Variants in HDGFL3 observed in about 807,000 individuals in gnomAD.
The protein encoded by HDGFL3 is HDGF like 3, also known as hepatoma-derived growth factor-related protein 3.
In HDGFL3, 6 loss-of-function variants were observed where a neutral mutation model predicts 27.6. The observed-to-expected ratio is 0.22, with a 90% CI of 0.12 to 0.43. The LOEUF (loss-of-function observed/expected upper bound fraction) is 0.43. Among genes scored for constraint, HDGFL3 ranks in the 20% least tolerant of loss-of-function variants. HDGFL3 has a pLI of 1.00. For missense variants in HDGFL3, 207 were observed against 250.1 expected, an observed-to-expected ratio of 0.83 and a Z score of 1.16; for synonymous variants, 88 against 88.9, an observed-to-expected ratio of 0.99 and a Z score of 0.05.
intron 1 of HDGFL3, among the ~76,000 whole-genome samples, chr15:83,196,925 T>A (rs1167652349): frequency 6.6e-6 from 1 of 152,228 alleles, no homozygotes; most frequent in East Asian, 1.9e-4. Context: ...GAATAGTAAA[T>A]GTATCTACTA....
chr15:83,154,847 T>C (rs1465214783), intron 4 of HDGFL3, among the ~76,000 whole-genome samples: 1 of 152,210 alleles, frequency 6.6e-6, no homozygotes, highest in East Asian at 1.9e-4. Context: ...ATTTCATTGA[T>C]ATTAAAAATA....
At chr15:83,113,723 G>A (rs2034400894) in exon 4 of HDGFL3, 1 of 152,694 alleles carries the variant, frequency 6.5e-6, no homozygotes, top group South Asian at 2.1e-4. Flanking sequence ...CCTTGTTCTT[G>A]GACCAGCAGC....
chr15:83,124,200 C>G (rs1471661415), downstream of HDGFL3, among the ~76,000 whole-genome samples: 1 of 151,990 alleles, frequency 6.6e-6, no homozygotes, highest in Non-Finnish European at 1.5e-5. Context: ...GCAAAAAGAA[C>G]AAATACAGAA....
intron 1 of HDGFL3, among the ~76,000 whole-genome samples, chr15:83,175,367 A>T (rs1341098607): frequency 1.3e-5 from 2 of 152,150 alleles, no homozygotes. Context: ...ATACTTTGAC[A>T]ACTTTGGAAA....
chr15:83,180,906 G>A (rs1330398257), intron 1 of HDGFL3: 1 of 151,884 alleles, frequency 6.6e-6, no homozygotes, highest in Non-Finnish European at 1.5e-5. Context: ...GAGAGTGCTG[G>A]GATTACAGGC....
intron 2 of HDGFL3, among the ~76,000 whole-genome samples, chr15:83,162,674 C>T (rs62010215): frequency 0.27 from 41,211 of 151,886 alleles, 6,276 homozygotes; most frequent in African/African-American, 0.42. Context: ...ATTTCTCTCA[C>T]GAAAAAAAGT....
rs543134671 is a variant in HDGFL3 at position 83,169,977 on chromosome 15, G to A, written c.85-5902C>T. The stretch of plus-strand genomic sequence containing the variant: ...GAATGCAATCCAGTTTACAATAGCC[G>A]CACAAAAAATAAAACACCTAGGAAT... On this transcript the variant is annotated intron_variant, in intron 1 of 5. Transcript: ENST00000299633. Among the ~76,000 whole-genome samples the A allele has an allele frequency of 4.0e-4, 61 of 152,066 alleles. 1 individual carries two copies. Among genetic ancestry groups the A allele is most frequent in the African/African-American group, 1.4e-3 (57 of 41,488 alleles).
intron 1 of HDGFL3, among the ~76,000 whole-genome samples, chr15:83,181,761 C>A (rs1382734269): frequency 2.0e-5 from 3 of 152,206 alleles, no homozygotes; most frequent in African/African-American, 7.2e-5. Flanking sequence ...CAGGCGTGAG[C>A]CACCATGCCT....
intron 1 of HDGFL3, chr15:83,185,786 C>G (rs1331607461): frequency 1.3e-5 from 2 of 152,176 alleles, no homozygotes; most frequent in African/African-American, 4.8e-5. Context: ...AATCCCCTGT[C>G]CTTGAGTATG....
chr15:83,138,728 T>C lies in HDGFL3; in HGVS notation c.*542A>G, dbSNP rs773264860. 7 of 152,354 alleles carry C rather than the reference T, an allele frequency of 4.6e-5. No individual in the cohort carries two copies. Among genetic ancestry groups the C allele is most frequent in the Non-Finnish European group, 1.0e-4 (7 of 68,010 alleles). 9.4% of individuals were successfully genotyped at this position (152,354 alleles called of 1,614,324 possible). A position where few individuals can be genotyped will look rare whatever the true frequency, so the allele number is the denominator to read the frequency against. On this transcript the variant is annotated 3_prime_UTR_variant, in exon 6 of 6. Transcript: ENST00000299633. The stretch of plus-strand genomic sequence containing the variant: ...TCAACTAGCTATTTCTAATACGGAA[T>C]AGATATTTTACAATATGGTTAAACT...
At chr15:83,144,877 T>C in intron 5 of HDGFL3, 1 of 288,256 alleles carries the variant, frequency 3.5e-6, no homozygotes, top group East Asian at 9.3e-5. Flanking sequence ...TACATGGCAA[T>C]AGATAACTAA....
chr15:83,118,369 A>G (rs926969658), intron 3 of HDGFL3, among the ~76,000 whole-genome samples: 1 of 152,174 alleles, frequency 6.6e-6, no homozygotes, highest in Non-Finnish European at 1.5e-5. Flanking sequence ...TGGCCTGTGC[A>G]CCATGCAGTT....
At chr15:83,196,116 C>T (rs922149121) in intron 1 of HDGFL3, among the ~76,000 whole-genome samples, 1 of 151,672 alleles carries the variant, frequency 6.6e-6, no homozygotes, top group African/African-American at 2.4e-5. Context: ...TTATATACCT[C>T]TTCATTTTGG....
Position 83,152,984 on chromosome 15 carries a change from G to A in HDGFL3, c.460-1623C>T, listed in dbSNP as rs961856784. Among the ~76,000 whole-genome samples the A allele has an allele frequency of 7.4e-5, 11 of 148,044 alleles. No individual in the cohort carries two copies. The Admixed American group carries it at 7.5e-4, about 10-fold the overall frequency. ...ATTTTCAAATAACAGTCCTCGATAC[G>A]CAGTTCTTTTTTTTTTTTTTTTTTT... On this transcript the variant is annotated intron_variant, in intron 4 of 5. Transcript: ENST00000299633.
At chr15:83,123,482 G>C (rs1276643700), downstream of HDGFL3, among the ~76,000 whole-genome samples, 5 of 152,062 alleles carry the variant, frequency 3.3e-5, no homozygotes, top group African/African-American at 1.2e-4. Flanking sequence ...TACTTTTCTA[G>C]GTATTAGATC....
rs1323000822 is a variant in HDGFL3, at chr15:83,138,870, C to T, written c.*400G>A. On this transcript the variant is annotated 3_prime_UTR_variant, in exon 6 of 6. Coordinates refer to ENST00000299633, the MANE Select transcript of HDGFL3 (RefSeq NM_016073.4). ...ACAGAGAGGAAATTCCATTCTTAAG[C>T]ATTATGTTGAGTGGTCATCTAAAAA... is the stretch of plus-strand genomic sequence containing the variant. 6.4e-6 allele frequency: 1 copy of T among 155,526 alleles called. No homozygotes were observed. The highest frequency in any genetic ancestry group is 2.4e-5 in the African/African-American group (1 of 41,600). 9.6% of individuals were successfully genotyped at this position (155,526 alleles called of 1,614,324 possible).
At position 83,136,311 on chromosome 15, in the gene HDGFL3, T is replaced by C; in HGVS notation, c.*2959A>G. On this transcript the variant is annotated 3_prime_UTR_variant, in exon 6 of 6. Coordinates refer to ENST00000299633, the MANE Select transcript of HDGFL3 (RefSeq NM_016073.4). ...AAATTTAATCAAGGACTAAATTTAA[T>C]GAAAGACTCTGACATTAAAGACTCT... 2.2e-6 allele frequency: 1 copy of C among 464,044 alleles called. No homozygotes were observed. Among genetic ancestry groups the C allele is most frequent in the Non-Finnish European group, 3.8e-6 (1 of 264,696 alleles). 28.7% of individuals were successfully genotyped at this position (464,044 alleles called of 1,614,324 possible).
intron 2 of HDGFL3, among the ~76,000 whole-genome samples, chr15:83,161,966 C>T (rs1057091835): frequency 6.6e-6 from 1 of 152,112 alleles, no homozygotes; most frequent in Non-Finnish European, 1.5e-5. Context: ...CTTGAGGCTC[C>T]AGTCACCTAC....
At chr15:83,149,872 TAGA>T (rs1228487835) in intron 5 of HDGFL3, among the ~76,000 whole-genome samples, 2 of 152,182 alleles carry the variant, frequency 1.3e-5, no homozygotes, top group East Asian at 1.9e-4. Flanking sequence ...AGATGTGGTA[TAGA>T]AGAAGGGGAC....
Sources: gnomAD v4.1 joint callset for allele counts (sites outside exome capture counted in the v4.1 genomes callset) on GRCh38, gnomAD v4.1.1 for gene constraint, MANE v1.5 for transcripts, NCBI Gene and HGNC (gene_info 2026-07-23, HGNC 2026-07-21) for gene names.